Variants in FBN2 observed in about 807,000 individuals in gnomAD.
The protein encoded by FBN2 is fibrillin 2.
In FBN2, 105 loss-of-function variants were observed where a neutral mutation model predicts 355.6. That is an observed-to-expected ratio of 0.30 (90% CI 0.25 to 0.35). The LOEUF (loss-of-function observed/expected upper bound fraction) is 0.35, where lower values mean the gene tolerates loss of function less well. FBN2 is among the 10% of genes least tolerant of loss of function. The probability of loss-of-function intolerance (pLI) is 1.00; values close to 1 mark genes in which losing one functional copy is unlikely to be tolerated. For synonymous variants in FBN2, 1,350 were observed against 1,301.2 expected, an observed-to-expected ratio of 1.04 and a Z score of -0.81; for missense variants, 3,280 against 3,758.7, an observed-to-expected ratio of 0.87 and a Z score of 3.33.
chr5:128,328,866 A>C (rs770284280), intron 33 of FBN2, 45 bp from the exon 34 acceptor site: 3 of 1,609,108 alleles, frequency 1.9e-6, no homozygotes, highest in Admixed American at 1.7e-5. Context: ...TCCAAATTTC[A>C]TGACACATTT....
rs543069240 is a variant in FBN2, at chr5:128,299,091, C to T, written c.6166+1726G>A. Among the ~76,000 whole-genome samples, 270 of 152,062 alleles carry T rather than the reference C, an allele frequency of 1.8e-3. 1 individual carries two copies. Among genetic ancestry groups the T allele is most frequent in the Middle Eastern group, 0.017 (5 of 294 alleles). Reference sequence around the variant, plus strand: ...CTGCAGGTCTGTTGGAGTACTGGGCCGTGTGAGGTGTCAGTCTGCCCCTGC... The same window carrying T: ...CTGCAGGTCTGTTGGAGTACTGGGCTGTGTGAGGTGTCAGTCTGCCCCTGC... On this transcript the variant is annotated intron_variant, in intron 48 of 64. Coordinates refer to ENST00000262464, the MANE Select transcript of FBN2 (RefSeq NM_001999.4).
At chr5:128,307,114 A>G (rs1217758305) in intron 42 of FBN2, 21 bp downstream of exon 42, 1 of 1,527,654 alleles carries the variant, frequency 6.5e-7, no homozygotes, top group African/African-American at 1.4e-5. Flanking sequence ...ATTAAAACAA[A>G]CATAATCTGG....
Position 128,259,395 on chromosome 5 carries a change from C to T in FBN2, c.*60G>A. ...TCTTTAAAATTAGTCCTTGACTTTTCAAATGCTTCTGCAGACTGGCTGTGC... is the reference window on the plus strand; with the variant it reads ...TCTTTAAAATTAGTCCTTGACTTTTTAAATGCTTCTGCAGACTGGCTGTGC... On this transcript the variant is annotated 3_prime_UTR_variant, in exon 65 of 65. Coordinates refer to ENST00000262464, the MANE Select transcript of FBN2 (RefSeq NM_001999.4). The T allele has an allele frequency of 6.3e-7, 1 of 1,598,294 alleles. No individual in the cohort carries two copies. The highest frequency in any genetic ancestry group is 8.6e-7 in the Non-Finnish European group (1 of 1,167,626).
At chr5:128,436,319 G>A (rs7708245) in intron 7 of FBN2, among the ~76,000 whole-genome samples, 1,948 of 152,150 alleles carry the variant, frequency 0.013, 34 homozygotes, top group African/African-American at 0.045. Context: ...ACACAGCATG[G>A]GCTTCTAAAA....
intron 7 of FBN2, among the ~76,000 whole-genome samples, chr5:128,423,171 G>C (rs1319978405): frequency 1.3e-5 from 2 of 152,130 alleles, no homozygotes; most frequent in Non-Finnish European, 2.9e-5. Context: ...AATTGAAACA[G>C]ATAAACAGGC....
intron 7 of FBN2, chr5:128,442,171 C>T (rs1229477614): frequency 2.7e-6 from 1 of 365,504 alleles, no homozygotes; most frequent in African/African-American, 2.1e-5. Flanking sequence ...AAGCTGAAAA[C>T]TCTTCAAACT....
Position 128,261,886 on chromosome 5 carries a change from T to A in FBN2, c.8214A>T (p.Gly2738=). The A allele has an allele frequency of 6.2e-7, 1 of 1,614,118 alleles. No individual in the cohort carries two copies. ...GTGACAGGTACTGCCCCTTGTTAAATCCCATTCCTGAGACACAGTGGCTAT... is the reference window on the plus strand; with the variant it reads ...GTGACAGGTACTGCCCCTTGTTAAAACCCATTCCTGAGACACAGTGGCTAT... ...VGQGHCVSGM[G]FNKGQYLSLD... The change falls in exon 64 of 65, where the codon GGA becomes GGT. Residue 2738 remains glycine (G), a synonymous_variant. Coordinates refer to ENST00000262464, the MANE Select transcript of FBN2 (RefSeq NM_001999.4).
intron 5 of FBN2, among the ~76,000 whole-genome samples, chr5:128,480,169 T>C (rs952629358): frequency 1.4e-5 from 2 of 143,786 alleles, no homozygotes; most frequent in Non-Finnish European, 3.0e-5. Flanking sequence ...AGAGAGAATA[T>C]ATATATTATA....
chr5:128,282,901 T>C (rs868646522), intron 55 of FBN2, among the ~76,000 whole-genome samples: 5 of 152,160 alleles, frequency 3.3e-5, no homozygotes, highest in Admixed American at 6.5e-5. Context: ...TTCATTTCAA[T>C]GAGACTCAAG....
intron 7 of FBN2, among the ~76,000 whole-genome samples, chr5:128,417,019 A>AATTTCTTTCG (rs1309931122): frequency 6.6e-6 from 1 of 152,078 alleles, no homozygotes; most frequent in African/African-American, 2.4e-5. Flanking sequence ...TGTCCCCTTC[A>AATTTCTTTCG]ATTTCTTTCG....
At chr5:128,316,569 C>A (rs146263139) in intron 36 of FBN2, among the ~76,000 whole-genome samples, 1 of 152,124 alleles carries the variant, frequency 6.6e-6, no homozygotes, top group Non-Finnish European at 1.5e-5. Context: ...AATCGGTGTA[C>A]CATTGTGCAA....
intron 8 of FBN2, among the ~76,000 whole-genome samples, chr5:128,400,319 A>G (rs1359708605): frequency 6.6e-6 from 1 of 152,136 alleles, no homozygotes; most frequent in East Asian, 1.9e-4. Context: ...ATTCACCAGG[A>G]AAATATGGCA....
rs1765092392 is a variant in FBN2, at chr5:128,265,461, T to C, written c.7961-1805A>G. Among the ~76,000 whole-genome samples, 3 of 152,204 alleles carry C rather than the reference T, an allele frequency of 2.0e-5. No individual in the cohort carries two copies. In the South Asian group the frequency reaches 6.2e-4, roughly 31 times the overall value. The stretch of plus-strand genomic sequence containing the variant: ...AAATGTATATCATGATTAAAATTTA[T>C]AGACTTAAATAAATATGTTCCTGTC... On this transcript the variant is annotated intron_variant, in intron 62 of 64. Transcript: ENST00000262464.
At chr5:128,395,372 A>C in intron 8 of FBN2, 98 bp from the exon 9 acceptor site, 1 of 1,258,534 alleles carries the variant, frequency 7.9e-7, no homozygotes, top group Non-Finnish European at 1.1e-6. Context: ...AGTGACTCAT[A>C]CCACTTAATC....
At chr5:128,498,098 A>G (rs1281385837) in intron 5 of FBN2, among the ~76,000 whole-genome samples, 1 of 152,220 alleles carries the variant, frequency 6.6e-6, no homozygotes, top group African/African-American at 2.4e-5. Flanking sequence ...CTGGGAATGC[A>G]GAGGGCAGAG....
At chr5:128,320,203 T>C (rs1561768744) in intron 34 of FBN2, among the ~76,000 whole-genome samples, 1 of 152,020 alleles carries the variant, frequency 6.6e-6, no homozygotes, top group Non-Finnish European at 1.5e-5. Flanking sequence ...AATTGTATTA[T>C]TATCCTTCTG....
In FBN2 at chr5:128,309,248, T is replaced by C; in HGVS notation, c.5352A>G (p.Thr1784=). 6.2e-7 allele frequency: 1 copy of C among 1,614,090 alleles called. No homozygotes were observed. Among genetic ancestry groups the C allele is most frequent in the Non-Finnish European group, 8.5e-7 (1 of 1,179,930 alleles). The part of the protein sequence containing the change: ...KPCEPCPTPG[T]ADFKTICGNI... Reference sequence around the variant, plus strand: ...CAGATGCACGAGCCGTGTGCTTACCTGTTCCTGGAGTTGGGCATGGTTCAC... The same window carrying C: ...CAGATGCACGAGCCGTGTGCTTACCCGTTCCTGGAGTTGGGCATGGTTCAC... Residue 1784 remains threonine, a splice_region_variant and synonymous_variant, in exon 41 of 65, where the codon ACA becomes ACG. Transcript: ENST00000262464.
intron 2 of FBN2, among the ~76,000 whole-genome samples, chr5:128,533,035 C>T (rs1018256398): frequency 3.9e-5 from 6 of 152,044 alleles, no homozygotes. Context: ...CAGATCCTGT[C>T]TCAAATTAAT....
intron 15 of FBN2, among the ~76,000 whole-genome samples, chr5:128,373,376 A>G (rs1333547582): frequency 6.6e-6 from 1 of 152,228 alleles, no homozygotes; most frequent in African/African-American, 2.4e-5. Context: ...ATCCCTGAAC[A>G]AAGTGCTGAC....
Sources: allele counts gnomAD v4.1 joint callset (sites outside exome capture counted in the v4.1 genomes callset), GRCh38; gene constraint gnomAD v4.1.1; transcripts MANE v1.5; gene names NCBI Gene and HGNC (gene_info 2026-07-23, HGNC 2026-07-21).